ZPLD1: variants seen among roughly 807,000 people sequenced by gnomAD.
The protein encoded by ZPLD1 is zona pellucida-like domain-containing protein 1.
A neutral mutation model predicts 47.2 loss-of-function variants in ZPLD1; 34 were observed. The ratio of observed to expected loss-of-function variants is 0.72; its 90% confidence interval spans 0.55 to 0.96. The LOEUF (loss-of-function observed/expected upper bound fraction) is 0.96, where lower values mean the gene tolerates loss of function less well. Ranked by LOEUF, ZPLD1 falls within the 40% of genes least tolerant of loss-of-function variation. The probability of loss-of-function intolerance (pLI) is 0.00; values close to 1 mark genes in which losing one functional copy is unlikely to be tolerated. For missense variants in ZPLD1, 512 were observed against 505.8 expected (o/e 1.01, Z -0.12); for synonymous variants, 176 against 186.2 (o/e 0.95, Z 0.45).
intron 3 of ZPLD1, among the ~76,000 whole-genome samples, chr3:102,441,016 G>C (rs1707168900): frequency 6.6e-6 from 1 of 152,196 alleles, no homozygotes; most frequent in African/African-American, 2.4e-5. Flanking sequence ...AGCCACAGTT[G>C]GAGAAGGTGA....
At chr3:102,427,548 C>T (rs188253801) in intron 8 of ZPLD1, among the ~76,000 whole-genome samples, 17 of 152,210 alleles carry the variant, frequency 1.1e-4, no homozygotes, top group Admixed American at 7.9e-4. Context: ...GAAGGCAGGT[C>T]CCAGGGAGTG....
At chr3:102,397,357 C>T (rs544989509) in intron 7 of ZPLD1, among the ~76,000 whole-genome samples, 4 of 151,008 alleles carry the variant, frequency 2.6e-5, no homozygotes, top group South Asian at 4.2e-4. Context: ...CTTCAGTTAA[C>T]GTAATATTTT....
At chr3:102,395,261 T>TAC (rs1287671904) in intron 7 of ZPLD1, among the ~76,000 whole-genome samples, 5 of 152,058 alleles carry the variant, frequency 3.3e-5, no homozygotes, top group African/African-American at 7.2e-5. Flanking sequence ...TATATATATA[T>TAC]ACACACACAT....
intron 8 of ZPLD1, among the ~76,000 whole-genome samples, chr3:102,419,830 T>C (rs1485484829): frequency 6.6e-6 from 1 of 151,936 alleles, no homozygotes; most frequent in African/African-American, 2.4e-5. Flanking sequence ...TTTTGTCTCA[T>C]TTAAGTACCT....
At chr3:102,388,887 A>G (rs1360189234) in intron 6 of ZPLD1, among the ~76,000 whole-genome samples, 1 of 152,208 alleles carries the variant, frequency 6.6e-6, no homozygotes, top group East Asian at 1.9e-4. Flanking sequence ...TGGGTGCTAC[A>G]ATGTGATACA....
In ZPLD1 at chr3:102,477,757, G is replaced by T; in HGVS notation, c.*139G>T. 2 of 779,910 alleles carry T rather than the reference G, an allele frequency of 2.6e-6. No individual in the cohort carries two copies. The highest frequency in any genetic ancestry group is 3.8e-6 in the Non-Finnish European group (2 of 528,828). 48.3% of individuals were successfully genotyped at this position (779,910 alleles called of 1,614,324 possible). A position where few individuals can be genotyped will look rare whatever the true frequency, so the allele number is the denominator to read the frequency against. ...ATAAATTTCACAGTATAGCTTGTCA[G>T]CATAATGATAGTGAAAGAAGTTTAT... On this transcript the variant is annotated 3_prime_UTR_variant, in exon 12 of 12. Coordinates refer to ENST00000466937, the MANE Select transcript of ZPLD1 (RefSeq NM_001329788.2).
intron 5 of ZPLD1, among the ~76,000 whole-genome samples, chr3:102,456,937 G>A (rs577674218): frequency 2.2e-4 from 34 of 152,270 alleles, no homozygotes; most frequent in African/African-American, 5.3e-4. Flanking sequence ...CTCCAAATAC[G>A]GACTGAGGGT....
chr3:102,388,103 G>A (rs529247340), intron 6 of ZPLD1, among the ~76,000 whole-genome samples: 17 of 151,766 alleles, frequency 1.1e-4, no homozygotes, highest in African/African-American at 1.9e-4. Flanking sequence ...CTCGTGATCC[G>A]CCCGCCTCGG....
In ZPLD1 at chr3:102,470,468, G is replaced by A. The variant is rs561361102; in HGVS notation, c.1008G>A (p.Ala336=). 2.5e-6 allele frequency: 4 copies of A among 1,614,006 alleles called. No individual in the cohort carries two copies. Among genetic ancestry groups the A allele is most frequent in the South Asian group, 2.2e-5 (2 of 91,062 alleles). The change falls in exon 10 of 12, where the codon GCG becomes GCA. Residue 336 remains alanine, a synonymous_variant. Transcript: ENST00000466937. ...TWSPQSSSGS[A]VLSAGPIITR... is the part of the protein sequence containing the mutation. ...GCCCCCAGAGCTCTTCTGGCAGCGCGGTGCTCTCTGCTGGTCCCATCATTA... is the reference window on the plus strand; with the variant it reads ...GCCCCCAGAGCTCTTCTGGCAGCGCAGTGCTCTCTGCTGGTCCCATCATTA...
At chr3:102,470,335 C>A in intron 9 of ZPLD1, 59 bp from the exon 10 acceptor site, 1 of 1,321,732 alleles carries the variant, frequency 7.6e-7, no homozygotes, top group Non-Finnish European at 1.1e-6. Context: ...TTCCAAATGG[C>A]CATAAAGAAA....
chr3:102,462,507 A>G (rs191917257), intron 7 of ZPLD1, 129 bp downstream of exon 7: 24 of 564,742 alleles, frequency 4.2e-5, no homozygotes, highest in African/African-American at 3.7e-4. Flanking sequence ...CCATTTAGGC[A>G]TGCTACTAAA....
At chr3:102,396,626 A>T (rs1706560790) in intron 7 of ZPLD1, among the ~76,000 whole-genome samples, 1 of 152,148 alleles carries the variant, frequency 6.6e-6, no homozygotes, top group Non-Finnish European at 1.5e-5. Context: ...CCCGATGAGG[A>T]CACTAAGGCT....
intron 7 of ZPLD1, among the ~76,000 whole-genome samples, chr3:102,396,696 C>A (rs1559739335): frequency 6.6e-6 from 1 of 152,100 alleles, no homozygotes; most frequent in Non-Finnish European, 1.5e-5. Context: ...AGGCAGCATT[C>A]AGATGGAGTG....
At position 102,438,554 on chromosome 3, in the gene ZPLD1, G is replaced by A. The variant is rs747508648; in HGVS notation, c.67G>A (p.Gly23Ser). The change falls in exon 3 of 12, where the codon GGC (glycine) becomes AGC (serine). Residue 23 changes from glycine to serine, a missense_variant. Transcript: ENST00000466937. ...GCTTCCGGGGTCTGCTCAGTTCAAC[G>A]GCTACAACTGTGATGCCAACCTCCA... ...RVLPGSAQFN[G>S]YNCDANLHSR... 12 of 1,613,786 alleles carry A rather than the reference G, an allele frequency of 7.4e-6. No homozygotes were observed. Among genetic ancestry groups the A allele is most frequent in the South Asian group, 3.3e-5 (3 of 91,074 alleles).
At chr3:102,434,795 T>G (rs1237617147), upstream of ZPLD1, among the ~76,000 whole-genome samples, 1 of 152,194 alleles carries the variant, frequency 6.6e-6, no homozygotes, top group Non-Finnish European at 1.5e-5. Flanking sequence ...GAAAAATGCT[T>G]CTGCTCAGAT....
chr3:102,468,833 C>T, intron 8 of ZPLD1, 131 bp from the exon 9 acceptor site: 2 of 784,226 alleles, frequency 2.6e-6, no homozygotes, highest in South Asian at 4.6e-5. Flanking sequence ...GATTAAATAT[C>T]TGTAACGTGG....
At chr3:102,451,308 C>T (rs181169100) in intron 3 of ZPLD1, among the ~76,000 whole-genome samples, 140 of 152,300 alleles carry the variant, frequency 9.2e-4, no homozygotes, top group Admixed American at 2.0e-3. Flanking sequence ...ATGAAATTTA[C>T]ATACTACTTA....
At chr3:102,389,679 ACG>A in intron 6 of ZPLD1, among the ~76,000 whole-genome samples, 1 of 152,184 alleles carries the variant, frequency 6.6e-6, no homozygotes, top group Admixed American at 6.5e-5. Context: ...GTCTAGGTTA[ACG>A]TGGTTCATTT....
At chr3:102,454,146 G>A (rs1486901327) in intron 4 of ZPLD1, among the ~76,000 whole-genome samples, 1 of 152,116 alleles carries the variant, frequency 6.6e-6, no homozygotes. Context: ...AGTGGGAGAT[G>A]GAAGACAGAG....
Sources: allele counts gnomAD v4.1 joint callset (sites outside exome capture counted in the v4.1 genomes callset), GRCh38; gene constraint gnomAD v4.1.1; transcripts MANE v1.5; gene names NCBI Gene and HGNC (gene_info 2026-07-23, HGNC 2026-07-21).